Variants in TUSC3 observed in about 807,000 individuals in gnomAD.
TUSC3 encodes the protein tumor suppressor candidate 3, also known as dolichyl-diphosphooligosaccharide--protein glycosyltransferase subunit TUSC3.
Under a neutral mutation model 44.8 loss-of-function variants are expected in TUSC3, and 45 were observed. The observed-to-expected ratio is 1.00, with a 90% confidence interval of 0.79 to 1.29. The LOEUF is 1.29. Ranked by LOEUF, TUSC3 falls within the 50% of genes most tolerant of loss-of-function variation. The pLI, the probability that TUSC3 is intolerant of heterozygous loss-of-function variation, is 0.00. For synonymous variants in TUSC3, 212 were observed against 152.9 expected, an observed-to-expected ratio of 1.39 and a Z score of -2.85; for missense variants, 519 against 437.9, an observed-to-expected ratio of 1.19 and a Z score of -1.65.
chr8:15,659,465 A>C (rs369443499), intron 3 of TUSC3, 42 bp from the exon 4 acceptor site: 1 of 1,599,360 alleles, frequency 6.3e-7, no homozygotes, highest in Non-Finnish European at 8.5e-7. Flanking sequence ...GATTAATGAT[A>C]AGATGATCCT....
At chr8:15,668,544 T>C (rs898017617) in intron 5 of TUSC3, among the ~76,000 whole-genome samples, 1 of 151,656 alleles carries the variant, frequency 6.6e-6, no homozygotes, top group Admixed American at 6.6e-5. Context: ...ACATGTGTAG[T>C]GAGGAAGGTA....
At chr8:15,492,331 A>C (rs947408686) in intron 2 of TUSC3, among the ~76,000 whole-genome samples, 1 of 152,218 alleles carries the variant, frequency 6.6e-6, no homozygotes, top group African/African-American at 2.4e-5. Context: ...TATTAAAGTC[A>C]CAGTTAACAT....
intron 2 of TUSC3, among the ~76,000 whole-genome samples, chr8:15,630,832 C>G (rs7017500): frequency 0.19 from 28,215 of 152,078 alleles, 3,456 homozygotes; most frequent in Non-Finnish European, 0.27. Context: ...GCTAAAATCA[C>G]GTGGAAAAGA....
chr8:15,610,527 C>A (rs1425606574), intron 1 of TUSC3, among the ~76,000 whole-genome samples: 1 of 152,162 alleles, frequency 6.6e-6, no homozygotes, highest in East Asian at 1.9e-4. Context: ...AATTTAACAT[C>A]TGGCAACAGC....
At position 15,765,504 on chromosome 8, in the gene TUSC3, T is replaced by C. The variant is rs1307652506; in HGVS notation, c.*1348T>C. The C allele has an allele frequency of 1.3e-5, 2 of 151,980 alleles. No individual in the cohort carries two copies. Among genetic ancestry groups the C allele is most frequent in the Non-Finnish European group, 2.9e-5 (2 of 67,926 alleles). The allele number at this position is 151,980 out of a possible 1,614,324, so 9.4% of individuals were successfully genotyped here. A position where few individuals can be genotyped will look rare whatever the true frequency, so the allele number is the denominator to read the frequency against. On this transcript the variant is annotated 3_prime_UTR_variant, in exon 11 of 11. Coordinates refer to ENST00000503731, the MANE Select transcript of TUSC3 (RefSeq NM_006765.4). Reference sequence around the variant, plus strand: ...CATTGAGTTTACTTACTTAAATCTGTGAATTTCAATGAAGAATGGGAATAT... The same window carrying C: ...CATTGAGTTTACTTACTTAAATCTGCGAATTTCAATGAAGAATGGGAATAT...
intron 2 of TUSC3, among the ~76,000 whole-genome samples, chr8:15,494,846 G>A (rs1382468528): frequency 6.6e-6 from 1 of 152,094 alleles, no homozygotes; most frequent in South Asian, 2.1e-4. Flanking sequence ...AGCTCTTTCT[G>A]TTTCTCCTTT....
chr8:15,701,666 G>T lies in TUSC3; in HGVS notation c.798+27830G>T, dbSNP rs189093700. Among the ~76,000 whole-genome samples the T allele has an allele frequency of 1.6e-3, 240 of 152,220 alleles. 2 individuals carry two copies. Among genetic ancestry groups the T allele is most frequent in the South Asian group, 5.0e-3 (24 of 4,822 alleles). On this transcript the variant is annotated intron_variant, in intron 6 of 10. Coordinates refer to ENST00000503731, the MANE Select transcript of TUSC3 (RefSeq NM_006765.4). ...GTAAGAAAAACTTTGCAGTGTTTCAGAAGGAAGAAGTAGAAGAAGGATATT... is the reference window on the plus strand; with the variant it reads ...GTAAGAAAAACTTTGCAGTGTTTCATAAGGAAGAAGTAGAAGAAGGATATT...
chr8:15,680,172 G>T (rs1319336320), intron 6 of TUSC3, among the ~76,000 whole-genome samples: 2 of 151,942 alleles, frequency 1.3e-5, no homozygotes, highest in African/African-American at 4.8e-5. Context: ...GATTGCTTTG[G>T]GCAGAATGGC....
intron 6 of TUSC3, among the ~76,000 whole-genome samples, chr8:15,696,712 T>G (rs1809183965): frequency 6.6e-6 from 1 of 152,194 alleles, no homozygotes; most frequent in Admixed American, 6.5e-5. Flanking sequence ...TGTTAAGGAT[T>G]TTAGCACCTA....
chr8:15,554,600 AT>A (rs376264004), intron 1 of TUSC3, among the ~76,000 whole-genome samples: 1,262 of 111,608 alleles, frequency 0.011, 9 homozygotes, highest in African/African-American at 0.037. Flanking sequence ...TTTTACTATA[AT>A]TTTTTTTTTT....
chr8:15,417,564 G>C (rs1048371001), intron 1 of TUSC3, among the ~76,000 whole-genome samples: 5 of 152,154 alleles, frequency 3.3e-5, no homozygotes, highest in Non-Finnish European at 7.3e-5. Flanking sequence ...GTCACTGAAG[G>C]CTTTCAATTT....
chr8:15,701,544 G>T (rs780606916), intron 6 of TUSC3, among the ~76,000 whole-genome samples: 16 of 152,092 alleles, frequency 1.1e-4, no homozygotes, highest in African/African-American at 2.9e-4. Context: ...TTGTTTGATG[G>T]TTCATTATAG....
intron 5 of TUSC3, among the ~76,000 whole-genome samples, chr8:15,663,621 T>G (rs1807524631): frequency 6.6e-6 from 1 of 151,924 alleles, no homozygotes; most frequent in South Asian, 2.1e-4. Flanking sequence ...ATTAGATGTT[T>G]GGCCTTTTAA....
intron 5 of TUSC3, among the ~76,000 whole-genome samples, chr8:15,663,842 A>G (rs1807534670): frequency 6.6e-6 from 1 of 151,848 alleles, no homozygotes; most frequent in Non-Finnish European, 1.5e-5. Flanking sequence ...AAAGCTACCC[A>G]GGTTTCCTGG....
At chr8:15,752,306 G>C (rs968199375) in intron 9 of TUSC3, among the ~76,000 whole-genome samples, 1 of 152,002 alleles carries the variant, frequency 6.6e-6, no homozygotes, top group Non-Finnish European at 1.5e-5. Flanking sequence ...GGTATATTCT[G>C]AGGATTATGA....
chr8:15,461,108 T>C lies in TUSC3; in HGVS notation n.92-22278T>C, dbSNP rs1339357355. ...ATGGGGATTGCATTGAATGTGTAGA[T>C]TGCCTTTGGCAGTATGGTCATTTTC... On this transcript the variant is annotated intron_variant and non_coding_transcript_variant, in intron 1 of 5. Transcript: ENST00000503191. Among the ~76,000 whole-genome samples, 3 of 152,138 alleles carry C rather than the reference T, an allele frequency of 2.0e-5. No individual in the cohort carries two copies. The East Asian group carries it at 5.8e-4, about 29-fold the overall frequency.
At chr8:15,617,279 G>T (rs1446323097) in intron 1 of TUSC3, among the ~76,000 whole-genome samples, 1 of 151,462 alleles carries the variant, frequency 6.6e-6, no homozygotes. Context: ...AGCTGGGACT[G>T]CAGGTTCGTG....
intron 1 of TUSC3, among the ~76,000 whole-genome samples, chr8:15,621,520 AT>A (rs1008983722): frequency 4.8e-5 from 4 of 82,896 alleles, no homozygotes; most frequent in East Asian, 2.5e-4. Context: ...TATATGTAAA[AT>A]ATATATATAT....
chr8:15,661,178 T>C lies in TUSC3; in HGVS notation c.568-978T>C, dbSNP rs923013751. On this transcript the variant is annotated intron_variant, in intron 4 of 10. Coordinates refer to ENST00000503731, the MANE Select transcript of TUSC3 (RefSeq NM_006765.4). ...TTGAAAGAAATAAGCAAAGCAGTTA[T>C]CAACTTCATAGGTTTACATTTACAT... is the stretch of plus-strand genomic sequence containing the variant. Among the ~76,000 whole-genome samples, 6 of 152,002 alleles carry C rather than the reference T, an allele frequency of 3.9e-5. No individual in the cohort carries two copies. In the South Asian group the frequency reaches 6.2e-4, roughly 16 times the overall value.
Sources: gnomAD v4.1 joint callset for allele counts (sites outside exome capture counted in the v4.1 genomes callset) on GRCh38, gnomAD v4.1.1 for gene constraint, MANE v1.5 for transcripts, NCBI Gene and HGNC (gene_info 2026-07-23, HGNC 2026-07-21) for gene names.